Variants in SRGAP1 observed in about 807,000 individuals in gnomAD.
The protein encoded by SRGAP1 is SLIT-ROBO Rho GTPase activating protein 1, also known as SLIT-ROBO Rho GTPase-activating protein 1.
In SRGAP1, 43 loss-of-function variants were observed where a neutral mutation model predicts 121.9. The observed-to-expected ratio is 0.35, with a 90% confidence interval of 0.28 to 0.46. The LOEUF (loss-of-function observed/expected upper bound fraction) is 0.46. SRGAP1 is among the 20% of genes least tolerant of loss of function. The pLI is 1.00. For missense variants in SRGAP1, 1,102 were observed against 1,350.9 expected, an observed-to-expected ratio of 0.82 and a Z score of 2.89; for synonymous variants, 447 against 485.4, an observed-to-expected ratio of 0.92 and a Z score of 1.04.
chr12:63,925,649 T>TA (rs2031231972), intron 1 of SRGAP1, among the ~76,000 whole-genome samples: 1 of 152,168 alleles, frequency 6.6e-6, no homozygotes, highest in Non-Finnish European at 1.5e-5. Flanking sequence ...GAAAAAGGAA[T>TA]AAAGCAAAGG....
At chr12:63,872,260 G>C (rs1287774873) in intron 1 of SRGAP1, among the ~76,000 whole-genome samples, 1 of 152,184 alleles carries the variant, frequency 6.6e-6, no homozygotes, top group South Asian at 2.1e-4. Context: ...TACAACGTAC[G>C]TGAGAGGTAG....
chr12:63,987,723 AAAAAAT>A (rs1476196413), intron 2 of SRGAP1, among the ~76,000 whole-genome samples: 1 of 152,146 alleles, frequency 6.6e-6, no homozygotes, highest in Non-Finnish European at 1.5e-5. Context: ...ACTCCATCTA[AAAAAAT>A]AAAAATAAAT....
At chr12:63,859,789 A>G (rs1321442589) in intron 1 of SRGAP1, among the ~76,000 whole-genome samples, 1 of 152,090 alleles carries the variant, frequency 6.6e-6, no homozygotes, top group East Asian at 1.9e-4. Context: ...TAATATAATC[A>G]TTCTTTCTAA....
intron 8 of SRGAP1, among the ~76,000 whole-genome samples, chr12:64,069,641 T>C (rs2035605363): frequency 6.6e-6 from 1 of 152,186 alleles, no homozygotes; most frequent in Non-Finnish European, 1.5e-5. Context: ...AACTTTGAAG[T>C]GAAACATTAA....
intron 4 of SRGAP1, among the ~76,000 whole-genome samples, chr12:64,031,370 T>A (rs2034776865): frequency 6.6e-6 from 1 of 151,480 alleles, no homozygotes; most frequent in South Asian, 2.1e-4. Flanking sequence ...GAGAAGTATG[T>A]TATATATGTT....
At chr12:63,845,256 T>G (rs1174627860) in intron 1 of SRGAP1, among the ~76,000 whole-genome samples, 1 of 152,224 alleles carries the variant, frequency 6.6e-6, no homozygotes, top group African/African-American at 2.4e-5. Flanking sequence ...GGTAGGATTG[T>G]CACTACGTAA....
At chr12:63,856,637 T>C (rs920508946) in intron 1 of SRGAP1, among the ~76,000 whole-genome samples, 2 of 152,038 alleles carry the variant, frequency 1.3e-5, no homozygotes, top group African/African-American at 4.8e-5. Flanking sequence ...GGACACTCTA[T>C]TGTGTTCCGT....
intron 8 of SRGAP1, among the ~76,000 whole-genome samples, chr12:64,070,266 T>A (rs571930934): frequency 1.7e-4 from 26 of 152,322 alleles, no homozygotes; most frequent in African/African-American, 6.3e-4. Flanking sequence ...ATTACAGTTC[T>A]CATTTCTTCA....
intron 21 of SRGAP1, among the ~76,000 whole-genome samples, chr12:64,129,276 A>G (rs966513015): frequency 9.2e-5 from 14 of 152,148 alleles, no homozygotes; most frequent in African/African-American, 3.4e-4. Flanking sequence ...CCAAGTTCCA[A>G]AACTGAAGAA....
intron 1 of SRGAP1, among the ~76,000 whole-genome samples, chr12:63,891,455 G>C (rs1900577638): frequency 6.6e-6 from 1 of 152,128 alleles, no homozygotes; most frequent in African/African-American, 2.4e-5. Context: ...TCTCTCCTCT[G>C]AACCACTTCT....
At chr12:64,038,210 A>T (rs2034939587) in intron 4 of SRGAP1, among the ~76,000 whole-genome samples, 1 of 152,206 alleles carries the variant, frequency 6.6e-6, no homozygotes, top group South Asian at 2.1e-4. Flanking sequence ...GCTGAAAAGT[A>T]TGTCTAGCAC....
chr12:63,846,630 A>G (rs1337616368), intron 1 of SRGAP1, among the ~76,000 whole-genome samples: 1 of 152,222 alleles, frequency 6.6e-6, no homozygotes. Flanking sequence ...TCTGTCCCAC[A>G]GAGAATGACC....
intron 1 of SRGAP1, among the ~76,000 whole-genome samples, chr12:63,910,695 A>T (rs1282285025): frequency 6.6e-6 from 1 of 152,202 alleles, no homozygotes; most frequent in East Asian, 1.9e-4. Flanking sequence ...GCAAATATGG[A>T]GTAGAGAGGT....
intron 15 of SRGAP1, among the ~76,000 whole-genome samples, chr12:64,098,916 C>A (rs1389913203): frequency 1.3e-5 from 2 of 152,190 alleles, no homozygotes; most frequent in African/African-American, 4.8e-5. Flanking sequence ...AAGGCTTTGC[C>A]AAATTGGCAT....
intron 1 of SRGAP1, among the ~76,000 whole-genome samples, chr12:63,890,921 G>A (rs762970938): frequency 6.6e-5 from 10 of 152,292 alleles, no homozygotes; most frequent in South Asian, 6.2e-4. Context: ...TTCTCCCTGC[G>A]CAAAGGAGAA....
At chr12:63,856,611 G>A (rs1331832049) in intron 1 of SRGAP1, among the ~76,000 whole-genome samples, 2 of 144,456 alleles carry the variant, frequency 1.4e-5, no homozygotes, top group Non-Finnish European at 3.0e-5. Flanking sequence ...TTTCACATAC[G>A]CAAAACTCTA....
intron 6 of SRGAP1, among the ~76,000 whole-genome samples, chr12:64,059,423 G>A (rs1026542264): frequency 1.3e-5 from 2 of 151,936 alleles, no homozygotes; most frequent in African/African-American, 4.8e-5. Context: ...AGAGATTTGG[G>A]GGTTTTTGTG....
At chr12:63,954,299 GA>G (rs1183905868) in intron 1 of SRGAP1, among the ~76,000 whole-genome samples, 3 of 152,132 alleles carry the variant, frequency 2.0e-5, no homozygotes, top group Non-Finnish European at 4.4e-5. Flanking sequence ...TCCTTTTCAT[GA>G]AAAACTTTTC....
At chr12:63,988,323 C>A (rs1281145397) in intron 2 of SRGAP1, among the ~76,000 whole-genome samples, 1 of 152,056 alleles carries the variant, frequency 6.6e-6, no homozygotes, top group East Asian at 1.9e-4. Flanking sequence ...GTAACATTTA[C>A]CTTGTTATAT....
Sources: allele counts gnomAD v4.1 joint callset (sites outside exome capture counted in the v4.1 genomes callset), GRCh38; gene constraint gnomAD v4.1.1; transcripts MANE v1.5; gene names NCBI Gene and HGNC (gene_info 2026-07-23, HGNC 2026-07-21).